Variants in NRL observed in about 807,000 individuals in gnomAD.
The protein encoded by NRL is neural retina leucine zipper, also known as neural retina-specific leucine zipper protein.
NRL carries 16 observed loss-of-function variants against 12.5 expected under a neutral mutation model. The observed-to-expected ratio is 1.28, with a 90% CI of 0.87 to 1.95. The LOEUF is 1.95. NRL is among the 30% of genes most tolerant of loss of function. The probability of loss-of-function intolerance (pLI) is 0.00; values close to 1 mark genes in which losing one functional copy is unlikely to be tolerated. For missense variants in NRL, 314 were observed against 325.8 expected, an observed-to-expected ratio of 0.96 and a Z score of 0.28; for synonymous variants, 142 against 150.9, an observed-to-expected ratio of 0.94 and a Z score of 0.43.
Position 24,094,481 on chromosome 14 carries a change from C to A in NRL, c.-27-11606G>T. 1 of 1,491,242 alleles carries A rather than the reference C, an allele frequency of 6.7e-7. No individual in the cohort carries two copies. 92.4% of individuals were successfully genotyped at this position (1,491,242 alleles called of 1,614,324 possible). On this transcript the variant is annotated intron_variant, in intron 1 of 2. Transcript: ENST00000561028. This position sits in a 1 kb window ranked among gnomAD's most constrained non-coding sequence, Gnocchi z 4.1. ...GCCCACCCGCACCTTCCGCTGCGCT[C>A]GCCCCCTCGGGGCTGCCAGTGGCGC...
chr14:24,109,491 C>T (rs1003411775), intron 1 of NRL, among the ~76,000 whole-genome samples: 9 of 152,044 alleles, frequency 5.9e-5, no homozygotes, highest in Admixed American at 1.3e-4. Flanking sequence ...GTCAGGAGAT[C>T]GAGACCATCC....
At chr14:24,095,932 TG>T (rs1291281539) in intron 1 of NRL, among the ~76,000 whole-genome samples, 1 of 152,196 alleles carries the variant, frequency 6.6e-6, no homozygotes, top group African/African-American at 2.4e-5. Context: ...TTGGTCCAAG[TG>T]GGCAGCAGCA....
intron 1 of NRL, among the ~76,000 whole-genome samples, chr14:24,086,234 G>T (rs1464067641): frequency 6.6e-6 from 1 of 152,088 alleles, no homozygotes; most frequent in Non-Finnish European, 1.5e-5. Flanking sequence ...GAAGAGAAAA[G>T]AAAGAAAGTT....
intron 1 of NRL, among the ~76,000 whole-genome samples, chr14:24,088,603 T>C (rs140020063): frequency 2.0e-3 from 307 of 152,148 alleles, no homozygotes; most frequent in African/African-American, 6.7e-3. Context: ...TTTGTCAAGG[T>C]AGAAGAACAG....
intron 2 of NRL, chr14:24,082,157 A>C (rs1021927120): frequency 1.3e-6 from 1 of 780,068 alleles, no homozygotes. Flanking sequence ...TGGTTTCCAC[A>C]CACCATGTAT....
intron 1 of NRL, among the ~76,000 whole-genome samples, chr14:24,090,277 G>A (rs868544678): frequency 1.7e-4 from 21 of 123,814 alleles, no homozygotes; most frequent in Non-Finnish European, 3.1e-4. Context: ...GGGGGGGGGG[G>A]GGGGCACGGG....
chr14:24,090,697 C>T (rs2036600597), intron 1 of NRL, among the ~76,000 whole-genome samples: 2 of 152,222 alleles, frequency 1.3e-5, no homozygotes, highest in Admixed American at 6.5e-5. Flanking sequence ...GCAGATCACA[C>T]TCTGCCCCCT....
intron 1 of NRL, chr14:24,100,118 A>G: frequency 6.2e-7 from 1 of 1,613,356 alleles, no homozygotes; most frequent in Non-Finnish European, 8.5e-7. Context: ...AATGTGGCTG[A>G]GACCAGTGAT....
At chr14:24,082,426 C>T in intron 2 of NRL, 42 bp downstream of exon 2, 6 of 1,610,732 alleles carry the variant, frequency 3.7e-6, no homozygotes, top group Non-Finnish European at 5.1e-6. Flanking sequence ...AGTCCTCCTT[C>T]CTTGCCCTGC....
chr14:24,098,582 A>G lies in NRL; in HGVS notation c.-27-15707T>C, dbSNP rs781436118. The G allele has an allele frequency of 6.2e-7, 1 of 1,614,040 alleles. No homozygotes were observed. The highest frequency in any genetic ancestry group is 1.3e-5 in the African/African-American group (1 of 74,928). Reference sequence around the variant, plus strand: ...AGCCTATGTGGTGGCAAGCATGCGTATTATGACCCGACTGGGGACACCTGT... The same window carrying G: ...AGCCTATGTGGTGGCAAGCATGCGTGTTATGACCCGACTGGGGACACCTGT... On this transcript the variant is annotated intron_variant, in intron 1 of 2. Transcript: ENST00000561028.
intron 1 of NRL, among the ~76,000 whole-genome samples, chr14:24,111,754 T>C (rs1178956441): frequency 2.0e-5 from 3 of 151,404 alleles, no homozygotes; most frequent in African/African-American, 7.3e-5. Context: ...GATGGGGTTT[T>C]CTAGATAAAC....
Position 24,081,217 on chromosome 14 carries a change from A to G in NRL, c.*19T>C. The stretch of plus-strand genomic sequence containing the variant: ...CACCCCACCCAGCCCCCACTACACC[A>G]CAAGGTGCTCTGAACGGCTCAGAGG... On this transcript the variant is annotated 3_prime_UTR_variant, in exon 3 of 3. Transcript: ENST00000561028. The surrounding 1 kb of genome is among the most constrained non-coding windows in gnomAD (Gnocchi z 4.4). 1.4e-6 allele frequency: 2 copies of G among 1,445,812 alleles called. No homozygotes were observed. The highest frequency in any genetic ancestry group is 1.8e-6 in the Non-Finnish European group (2 of 1,094,792). The allele number at this position is 1,445,812 out of a possible 1,614,324, so 89.6% of individuals were successfully genotyped here.
chr14:24,089,935 GA>G (rs1014932344), intron 1 of NRL, among the ~76,000 whole-genome samples: 6 of 152,194 alleles, frequency 3.9e-5, no homozygotes, highest in African/African-American at 1.4e-4. Flanking sequence ...CCAGAGAGTA[GA>G]AAGCCTGGAA....
intron 1 of NRL, among the ~76,000 whole-genome samples, chr14:24,097,348 T>C (rs2036932237): frequency 6.7e-6 from 1 of 149,508 alleles, no homozygotes; most frequent in African/African-American, 2.5e-5. Flanking sequence ...GTCGGGAGTT[T>C]GGGACCAGCC....
chr14:24,112,046 AG>A (rs2037428856), intron 1 of NRL, among the ~76,000 whole-genome samples: 1 of 32,012 alleles, frequency 3.1e-5, no homozygotes, highest in Non-Finnish European at 6.3e-5. Context: ...TTTAGCATGA[AG>A]GGTTGTTGAA....
At chr14:24,089,437 A>C (rs763469943) in intron 1 of NRL, among the ~76,000 whole-genome samples, 8 of 151,646 alleles carry the variant, frequency 5.3e-5, no homozygotes, top group Non-Finnish European at 8.8e-5. Context: ...GTAGAGAAGA[A>C]GTCTCACTAT....
At chr14:24,090,869 G>A (rs1355239379) in intron 1 of NRL, among the ~76,000 whole-genome samples, 1 of 152,152 alleles carries the variant, frequency 6.6e-6, no homozygotes, top group African/African-American at 2.4e-5. Flanking sequence ...AGTAATGGTG[G>A]GGAAGAAGAA....
chr14:24,082,018 T>G, intron 2 of NRL: 1 of 1,201,372 alleles, frequency 8.3e-7, no homozygotes, highest in Non-Finnish European at 1.0e-6. Flanking sequence ...CACCCCCATC[T>G]GTGTCTGTAA....
chr14:24,107,999 T>C (rs1182609908), intron 1 of NRL, among the ~76,000 whole-genome samples: 2 of 152,252 alleles, frequency 1.3e-5, no homozygotes, highest in African/African-American at 4.8e-5. Flanking sequence ...TTTATTAAAT[T>C]GACCTTATTA....
Sources: gnomAD v4.1 joint callset for allele counts (sites outside exome capture counted in the v4.1 genomes callset) on GRCh38, gnomAD v4.1.1 for gene constraint, Gnocchi (gnomAD v3.1) non-coding constraint, MANE v1.5 for transcripts, NCBI Gene and HGNC (gene_info 2026-07-23, HGNC 2026-07-21) for gene names.